Variants in GSK3B observed in about 807,000 individuals in gnomAD.
GSK3B encodes glycogen synthase kinase-3 beta.
GSK3B carries 15 observed loss-of-function variants against 56.4 expected under a neutral mutation model. The ratio of observed to expected loss-of-function variants is 0.27; its 90% CI spans 0.18 to 0.41. The LOEUF (loss-of-function observed/expected upper bound fraction) is 0.41, where lower values mean the gene tolerates loss of function less well. Ranked by LOEUF, GSK3B falls within the 10% of genes least tolerant of loss-of-function variation. The pLI, the probability that GSK3B is intolerant of heterozygous loss-of-function variation, is 1.00. For synonymous variants in GSK3B, 181 were observed against 188.9 expected, an observed-to-expected ratio of 0.96 and a Z score of 0.34; for missense variants, 300 against 513.4, an observed-to-expected ratio of 0.58 and a Z score of 4.02.
chr3:119,956,468 A>C (rs1011521215), intron 2 of GSK3B, among the ~76,000 whole-genome samples: 2 of 152,224 alleles, frequency 1.3e-5, no homozygotes, highest in African/African-American at 2.4e-5. Context: ...TTACCCATTA[A>C]GCCTTCCTAA....
At chr3:119,926,640 C>T (rs1302631395) in intron 3 of GSK3B, among the ~76,000 whole-genome samples, 3 of 152,180 alleles carry the variant, frequency 2.0e-5, no homozygotes, top group Admixed American at 6.5e-5. Flanking sequence ...CTCATTATTT[C>T]TGTCCTCTAT....
At chr3:119,908,680 A>AC (rs2056706539) in intron 6 of GSK3B, among the ~76,000 whole-genome samples, 1 of 152,170 alleles carries the variant, frequency 6.6e-6, no homozygotes, top group Non-Finnish European at 1.5e-5. Flanking sequence ...TATGCTCTCT[A>AC]CCCTCTGGTA....
intron 4 of GSK3B, among the ~76,000 whole-genome samples, chr3:119,918,922 A>C (rs2056808884): frequency 6.6e-6 from 1 of 152,214 alleles, no homozygotes; most frequent in Non-Finnish European, 1.5e-5. Flanking sequence ...TGAAGTAATA[A>C]AATAATAAAA....
intron 1 of GSK3B, among the ~76,000 whole-genome samples, chr3:120,070,509 C>T (rs2058318200): frequency 6.6e-6 from 1 of 151,582 alleles, no homozygotes; most frequent in Non-Finnish European, 1.5e-5. Context: ...CTGTACTATA[C>T]CTGATCAGAG....
In GSK3B at chr3:119,963,320, T is replaced by C. The variant is rs539130759; in HGVS notation, c.283-15969A>G. On this transcript the variant is annotated intron_variant, in intron 2 of 10. Transcript: ENST00000264235. ...CCCTATCAAAATCCTAAAGACATTT[T>C]TTACATAATTTATTTTAATCTTAAA... 6.6e-5 allele frequency among the ~76,000 whole-genome samples: 10 copies of C among 152,210 alleles called. No individual in the cohort carries two copies. In the South Asian group the frequency reaches 2.1e-3, roughly 32 times the overall value.
At chr3:119,939,818 T>C (rs1304161638) in intron 3 of GSK3B, among the ~76,000 whole-genome samples, 1 of 152,182 alleles carries the variant, frequency 6.6e-6, no homozygotes, top group African/African-American at 2.4e-5. Flanking sequence ...ATGCTAAATG[T>C]TGACGGCTCA....
At chr3:119,987,172 G>T (rs1303910602) in intron 2 of GSK3B, among the ~76,000 whole-genome samples, 2 of 152,176 alleles carry the variant, frequency 1.3e-5, no homozygotes, top group African/African-American at 4.8e-5. Flanking sequence ...ACTGGGGACT[G>T]TAAGGGGATG....
intron 2 of GSK3B, among the ~76,000 whole-genome samples, chr3:119,994,052 CGG>C (rs2057591527): frequency 6.6e-6 from 1 of 152,032 alleles, no homozygotes; most frequent in African/African-American, 2.4e-5. Context: ...TTAGTAGAGA[CGG>C]GGTTTCACCA....
intron 2 of GSK3B, among the ~76,000 whole-genome samples, chr3:119,996,596 GTT>G (rs61610113): frequency 2.1e-5 from 3 of 140,260 alleles, no homozygotes; most frequent in South Asian, 2.3e-4. Context: ...TTTATTTAGT[GTT>G]TTTTTTTTTA....
chr3:120,078,539 TCTC>T (rs767698073), intron 1 of GSK3B, among the ~76,000 whole-genome samples: 43 of 148,348 alleles, frequency 2.9e-4, no homozygotes, highest in Non-Finnish European at 4.1e-4. Flanking sequence ...TACTAGAACT[TCTC>T]CTCTTTTTTT....
chr3:119,995,007 T>C (rs1490962878), intron 2 of GSK3B, among the ~76,000 whole-genome samples: 1 of 152,052 alleles, frequency 6.6e-6, no homozygotes, highest in East Asian at 1.9e-4. Flanking sequence ...AAGAGCCTCA[T>C]ACTTAAAAGT....
intron 7 of GSK3B, among the ~76,000 whole-genome samples, chr3:119,902,071 C>T (rs1038595353): frequency 1.3e-5 from 2 of 152,050 alleles, no homozygotes; most frequent in African/African-American, 4.8e-5. Flanking sequence ...CCTTAAAAAA[C>T]GTGAGAACTG....
chr3:120,043,644 G>A (rs992326857), intron 1 of GSK3B, among the ~76,000 whole-genome samples: 1 of 152,168 alleles, frequency 6.6e-6, no homozygotes, highest in East Asian at 1.9e-4. Flanking sequence ...CCAGATGGCT[G>A]TACCAACCTA....
chr3:119,947,402 T>C lies in GSK3B; in HGVS notation c.283-51A>G, dbSNP rs368955417. ...ATTTTTAAAGGATAACAGCTATTCA[T>C]CATATTGAACAAGATGCTTCTGAAA... On this transcript the variant is annotated intron_variant, in intron 2 of 10. Transcript: ENST00000264235. 134 of 1,091,492 alleles carry C rather than the reference T, an allele frequency of 1.2e-4. No homozygotes were observed. In the African/African-American group the frequency reaches 1.7e-3, roughly 14 times the overall value. The allele number at this position is 1,091,492 out of a possible 1,614,324, so 67.6% of individuals were successfully genotyped here.
chr3:120,081,535 G>A (rs1232019046), intron 1 of GSK3B, among the ~76,000 whole-genome samples: 1 of 152,172 alleles, frequency 6.6e-6, no homozygotes, highest in Non-Finnish European at 1.5e-5. Context: ...AACAGAGCGA[G>A]ACTCCATCTC....
intron 2 of GSK3B, among the ~76,000 whole-genome samples, chr3:119,988,458 T>C (rs1311468628): frequency 6.6e-6 from 1 of 152,230 alleles, no homozygotes; most frequent in African/African-American, 2.4e-5. Flanking sequence ...CTGTTTTCTT[T>C]TGTAACAGGA....
intron 7 of GSK3B, among the ~76,000 whole-genome samples, chr3:119,879,715 A>C (rs906493267): frequency 1.3e-5 from 2 of 152,144 alleles, no homozygotes; most frequent in African/African-American, 4.8e-5. Flanking sequence ...TTTAATTTTT[A>C]GCTCTCACAA....
intron 10 of GSK3B, among the ~76,000 whole-genome samples, chr3:119,834,510 T>A (rs2055658348): frequency 6.6e-6 from 1 of 152,136 alleles, no homozygotes; most frequent in African/African-American, 2.4e-5. Context: ...ACTGTTTATA[T>A]TTGATCTGCT....
chr3:119,837,224 G>A lies in GSK3B; in HGVS notation c.1195+6031C>T, dbSNP rs190585337. 2.7e-3 allele frequency among the ~76,000 whole-genome samples: 404 copies of A among 152,158 alleles called. 3 individuals are homozygous for A. The highest frequency in any genetic ancestry group is 4.5e-3 in the Non-Finnish European group (305 of 68,012). ...TGCTGGAGTGCAGTGGCGTGATCTC[G>A]GCTTACTGCAAGCTCCGCCTCCCGG... is the stretch of plus-strand genomic sequence containing the variant. On this transcript the variant is annotated intron_variant, in intron 10 of 10. Coordinates refer to ENST00000264235, the MANE Select transcript of GSK3B (RefSeq NM_001146156.2).
Sources: gnomAD v4.1 joint callset for allele counts (sites outside exome capture counted in the v4.1 genomes callset) on GRCh38, gnomAD v4.1.1 for gene constraint, MANE v1.5 for transcripts, NCBI Gene and HGNC (gene_info 2026-07-23, HGNC 2026-07-21) for gene names.